Variants in UBE2G2 observed in about 807,000 individuals in gnomAD.
UBE2G2 encodes the protein ubiquitin-conjugating enzyme E2 G2.
UBE2G2 carries 10 observed loss-of-function variants against 23.0 expected under a neutral mutation model. The ratio of observed to expected loss-of-function variants is 0.43; its 90% CI spans 0.27 to 0.74. The LOEUF is 0.74. UBE2G2 is among the 30% of genes least tolerant of loss of function. The pLI is 0.19. For synonymous variants in UBE2G2, 86 were observed against 81.3 expected (o/e 1.06, Z -0.31); for missense variants, 150 against 218.3 (o/e 0.69, Z 1.97).
In UBE2G2 at chr21:44,789,609, T is replaced by C. The variant is rs1555962679; in HGVS notation, c.44-1514A>G. On this transcript the variant is annotated intron_variant, in intron 1 of 5. Transcript: ENST00000345496. Reference sequence around the variant, plus strand: ...GGCAAAGGGCAGTCTTTTCCATGAATGATGCTCATCTCTAAGACAAAAAAA... The same window carrying C: ...GGCAAAGGGCAGTCTTTTCCATGAACGATGCTCATCTCTAAGACAAAAAAA... Among the ~76,000 whole-genome samples, 12 of 152,074 alleles carry C rather than the reference T, an allele frequency of 7.9e-5. 2 individuals carry two copies. In the South Asian group the frequency reaches 2.3e-3, roughly 29 times the overall value.
intron 3 of UBE2G2, among the ~76,000 whole-genome samples, chr21:44,780,605 A>G (rs1226930047): frequency 6.6e-6 from 1 of 152,254 alleles, no homozygotes; most frequent in Non-Finnish European, 1.5e-5. Context: ...CACTCTACAC[A>G]GGAGGCACGC....
intron 4 of UBE2G2, chr21:44,774,803 T>C: frequency 4.5e-6 from 2 of 448,112 alleles, no homozygotes; most frequent in Non-Finnish European, 9.0e-6. Context: ...CTCCAGGAGT[T>C]GGTCCCATAG....
chr21:44,782,973 T>TTA (rs2082968021), intron 3 of UBE2G2, among the ~76,000 whole-genome samples: 1 of 152,286 alleles, frequency 6.6e-6, no homozygotes, highest in Middle Eastern at 3.4e-3. Context: ...AAGACTCTAT[T>TTA]AAGAAAACAA....
chr21:44,771,332 G>T lies in UBE2G2; in HGVS notation c.*45C>A. 6.4e-7 allele frequency: 1 copy of T among 1,566,314 alleles called. No homozygotes were observed. ...GTCACTAAGTGTGCCGGGGGAGAATGCTGAGCTGCTTGGCGGTGTGTGCGC... is the reference window on the plus strand; with the variant it reads ...GTCACTAAGTGTGCCGGGGGAGAATTCTGAGCTGCTTGGCGGTGTGTGCGC... On this transcript the variant is annotated 3_prime_UTR_variant, in exon 6 of 6. Transcript: ENST00000345496. The surrounding 1 kb of genome is among the most constrained non-coding windows in gnomAD (Gnocchi z 4.6).
chr21:44,790,135 T>C (rs1246482106), intron 1 of UBE2G2, among the ~76,000 whole-genome samples: 2 of 152,208 alleles, frequency 1.3e-5, no homozygotes, highest in African/African-American at 4.8e-5. Context: ...CACAATAAGA[T>C]ACAGCTCAAT....
intron 1 of UBE2G2, among the ~76,000 whole-genome samples, chr21:44,799,589 A>G (rs1357856152): frequency 6.6e-6 from 1 of 152,202 alleles, no homozygotes; most frequent in Non-Finnish European, 1.5e-5. Flanking sequence ...AAAACTGAAG[A>G]GTTAGGACCT....
rs1272929399 is a variant in UBE2G2, at chr21:44,801,749, G to C, written c.-1C>G. 2.1e-5 allele frequency: 32 copies of C among 1,519,988 alleles called. No homozygotes were observed. In the Admixed American group the frequency reaches 6.8e-4, roughly 32 times the overall value. 94.2% of individuals were successfully genotyped at this position (1,519,988 alleles called of 1,614,324 possible). A position where few individuals can be genotyped will look rare whatever the true frequency, so the allele number is the denominator to read the frequency against. On this transcript the variant is annotated 5_prime_UTR_variant, in exon 1 of 6. Coordinates refer to ENST00000345496, the MANE Select transcript of UBE2G2 (RefSeq NM_003343.6). Reference sequence around the variant, plus strand: ...GCCTCTTGAGCGCGGTCCCCGCCATGGCCCCGCAACAGCTGCGCCGAGCGA... The same window carrying C: ...GCCTCTTGAGCGCGGTCCCCGCCATCGCCCCGCAACAGCTGCGCCGAGCGA...
chr21:44,799,807 T>G (rs2083121055), intron 1 of UBE2G2, among the ~76,000 whole-genome samples: 1 of 152,258 alleles, frequency 6.6e-6, no homozygotes, highest in African/African-American at 2.4e-5. Context: ...CAGCCTATCT[T>G]GACTTTCAAC....
chr21:44,773,563 C>T lies in UBE2G2; in HGVS notation c.369G>A (p.Val123=), dbSNP rs965924925. 6 of 1,609,538 alleles carry T rather than the reference C, an allele frequency of 3.7e-6. No homozygotes were observed. The highest frequency in any genetic ancestry group is 5.1e-6 in the Non-Finnish European group (6 of 1,179,852). Reference sequence around the variant, plus strand: ...GGGCCTTACCTGCCAGCATGCTCACCACCGACAGCAGGATCTTCTCCACAC... The same window carrying T: ...GGGCCTTACCTGCCAGCATGCTCACTACCGACAGCAGGATCTTCTCCACAC... ...VQSVEKILLS[V]VSMLAEPNDE... Residue 123 remains valine, a synonymous_variant, in exon 5 of 6, where the codon GTG becomes GTA. Transcript: ENST00000345496.
chr21:44,801,454 G>C, intron 1 of UBE2G2: 1 of 1,201,008 alleles, frequency 8.3e-7, no homozygotes, highest in East Asian at 3.3e-5. Context: ...AGACTCAACT[G>C]TGTGTGCTCT....
At chr21:44,782,761 C>T (rs148331527) in intron 3 of UBE2G2, among the ~76,000 whole-genome samples, 2 of 152,274 alleles carry the variant, frequency 1.3e-5, no homozygotes, top group East Asian at 3.9e-4. Flanking sequence ...CAGACTCCCA[C>T]CTAACTCCAT....
intron 3 of UBE2G2, among the ~76,000 whole-genome samples, chr21:44,783,189 T>C (rs1555961521): frequency 6.6e-6 from 1 of 152,142 alleles, no homozygotes; most frequent in African/African-American, 2.4e-5. Flanking sequence ...TCATTAGTCG[T>C]CAAGGAAATC....
chr21:44,798,891 T>A (rs1205254350), intron 1 of UBE2G2, among the ~76,000 whole-genome samples: 1 of 152,216 alleles, frequency 6.6e-6, no homozygotes, highest in African/African-American at 2.4e-5. Context: ...ATCAAAGAAA[T>A]CACTTTTCAT....
chr21:44,781,942 T>A (rs1290949721), intron 3 of UBE2G2, among the ~76,000 whole-genome samples: 1 of 152,218 alleles, frequency 6.6e-6, no homozygotes, highest in Non-Finnish European at 1.5e-5. Context: ...AATATAGATG[T>A]TTCTTAAAAT....
intron 1 of UBE2G2, chr21:44,801,327 C>T (rs1487713213): frequency 9.4e-7 from 1 of 1,066,054 alleles, no homozygotes; most frequent in African/African-American, 1.7e-5. Context: ...TTAACGCATA[C>T]ACTTTTCCCT....
At position 44,772,208 on chromosome 21, in the gene UBE2G2, AC is replaced by A. The variant is rs2082879843; in HGVS notation, c.386-720del. On this transcript the variant is annotated intron_variant, in intron 5 of 5. Coordinates refer to ENST00000345496, the MANE Select transcript of UBE2G2 (RefSeq NM_003343.6). The surrounding 1 kb of genome is among the most constrained non-coding windows in gnomAD (Gnocchi z 5.4). Reference sequence around the variant, plus strand: ...TCAGAGCAGAGTTGATGAGGATAAAACCCACAGCTGACATCTGAGGACAGCC... The same window carrying A: ...TCAGAGCAGAGTTGATGAGGATAAAACCACAGCTGACATCTGAGGACAGCC... Among the ~76,000 whole-genome samples the A allele has an allele frequency of 6.6e-6, 1 of 151,710 alleles. No homozygotes were observed. Among genetic ancestry groups the A allele is most frequent in the Non-Finnish European group, 1.5e-5 (1 of 67,908 alleles).
At chr21:44,781,672 C>A (rs1271056212) in intron 3 of UBE2G2, among the ~76,000 whole-genome samples, 1 of 152,130 alleles carries the variant, frequency 6.6e-6, no homozygotes, top group Non-Finnish European at 1.5e-5. Flanking sequence ...CATATTTGAC[C>A]CTCACCCCCA....
rs906058923 is a variant in UBE2G2 at position 44,801,353 on chromosome 21, G to A, written c.43+353C>T. 2.2e-5 allele frequency: 24 copies of A among 1,112,598 alleles called. No individual in the cohort carries two copies. In the East Asian group the frequency reaches 1.1e-3, roughly 50 times the overall value. 68.9% of individuals were successfully genotyped at this position (1,112,598 alleles called of 1,614,324 possible). A position where few individuals can be genotyped will look rare whatever the true frequency, so the allele number is the denominator to read the frequency against. ...ACTTTTCCCTCCTAATTCCGCAGCA[G>A]CAAGTCAGGCCTTCTTCCTCAAGCT... On this transcript the variant is annotated intron_variant, in intron 1 of 5. Transcript: ENST00000345496.
intron 4 of UBE2G2, 187 bp downstream of exon 4, chr21:44,777,112 C>A: frequency 1.7e-6 from 1 of 574,734 alleles, no homozygotes; most frequent in Non-Finnish European, 3.0e-6. Context: ...CTATATTAAA[C>A]TGACCTTCAA....
Sources: allele counts gnomAD v4.1 joint callset (sites outside exome capture counted in the v4.1 genomes callset), GRCh38; gene constraint gnomAD v4.1.1; non-coding constraint Gnocchi (gnomAD v3.1); transcripts MANE v1.5; gene names NCBI Gene and HGNC (gene_info 2026-07-23, HGNC 2026-07-21).